The following USP6NL variants were observed in gnomAD, a reference collection of about 807,000 sequenced individuals.
The protein encoded by USP6NL is USP6 N-terminal like.
A neutral mutation model predicts 61.9 loss-of-function variants in USP6NL; 26 were observed. The observed-to-expected ratio is 0.42, with a 90% CI of 0.31 to 0.58. USP6NL has a LOEUF of 0.58. USP6NL is among the 20% of genes least tolerant of loss of function. USP6NL has a pLI of 0.16. For missense variants in USP6NL, 1,114 were observed against 1,034.3 expected, an observed-to-expected ratio of 1.08 and a Z score of -1.06; for synonymous variants, 432 against 390.1, an observed-to-expected ratio of 1.11 and a Z score of -1.27.
chr10:11,601,241 C>G (rs541235887), intron 1 of USP6NL, among the ~76,000 whole-genome samples: 1 of 152,232 alleles, frequency 6.6e-6, no homozygotes, highest in Admixed American at 6.5e-5. Context: ...ATTATATATA[C>G]TGTACACACA....
At chr10:11,464,216 T>A (rs1010247020) in intron 14 of USP6NL, among the ~76,000 whole-genome samples, 1 of 152,186 alleles carries the variant, frequency 6.6e-6, no homozygotes, top group Non-Finnish European at 1.5e-5. Flanking sequence ...TGGATTTTAT[T>A]CCAAGTTAAC....
intron 14 of USP6NL, among the ~76,000 whole-genome samples, chr10:11,480,743 C>A (rs948008582): frequency 2.0e-5 from 3 of 152,216 alleles, no homozygotes; most frequent in African/African-American, 7.2e-5. Flanking sequence ...CAGACACAGC[C>A]AACATGACAC....
rs1180672887 is a variant in USP6NL, at chr10:11,589,477, T to C, written c.4+8154A>G. On this transcript the variant is annotated intron_variant, in intron 2 of 14. Coordinates refer to ENST00000609104, the MANE Select transcript of USP6NL (RefSeq NM_014688.5). The surrounding 1 kb of genome is among the most constrained non-coding windows in gnomAD (Gnocchi z 4.7). ...ATATAAAATTGTTACCAAAGGAAAA[T>C]ACAAAGACCAACTATTATAATTTAC... Among the ~76,000 whole-genome samples the C allele has an allele frequency of 6.6e-6, 1 of 152,048 alleles. No individual in the cohort carries two copies. The highest frequency in any genetic ancestry group is 1.5e-5 in the Non-Finnish European group (1 of 67,978).
At chr10:11,543,406 G>T (rs1836144746) in intron 2 of USP6NL, among the ~76,000 whole-genome samples, 1 of 152,122 alleles carries the variant, frequency 6.6e-6, no homozygotes, top group Non-Finnish European at 1.5e-5. Flanking sequence ...GCCAGGCATG[G>T]TGGCAGGCGC....
intron 3 of USP6NL, among the ~76,000 whole-genome samples, chr10:11,527,045 A>T (rs1294143869): frequency 6.6e-6 from 1 of 152,226 alleles, no homozygotes; most frequent in Non-Finnish European, 1.5e-5. Flanking sequence ...GGCATTTAGG[A>T]TACAAAAGTA....
rs1033642493 is a variant in USP6NL at position 11,513,517 on chromosome 10, A to C, written c.196-3842T>G. Among the ~76,000 whole-genome samples the C allele has an allele frequency of 6.6e-6, 1 of 152,250 alleles. No individual in the cohort carries two copies. The highest frequency in any genetic ancestry group is 1.5e-5 in the Non-Finnish European group (1 of 68,036). The stretch of plus-strand genomic sequence containing the variant: ...TCAAACCTACAGAAAAGTTGAGAGA[A>C]TAGTATGTCACATACTTATAAATGC... On this transcript the variant is annotated intron_variant, in intron 5 of 14. Coordinates refer to ENST00000609104, the MANE Select transcript of USP6NL (RefSeq NM_014688.5). The surrounding 1 kb of genome is among the most constrained non-coding windows in gnomAD (Gnocchi z 4.7).
chr10:11,477,587 A>G (rs1209305868), intron 14 of USP6NL, among the ~76,000 whole-genome samples: 5 of 152,240 alleles, frequency 3.3e-5, no homozygotes. Context: ...ACACAGAGAA[A>G]GAAGGAAGGC....
At chr10:11,539,613 A>G (rs1282065476) in intron 2 of USP6NL, among the ~76,000 whole-genome samples, 3 of 152,254 alleles carry the variant, frequency 2.0e-5, no homozygotes, top group Non-Finnish European at 4.4e-5. Context: ...AATTGCCAAC[A>G]ACAGATATTT....
intron 2 of USP6NL, among the ~76,000 whole-genome samples, chr10:11,586,793 TAAA>T (rs1201019548): frequency 5.2e-4 from 26 of 50,408 alleles, no homozygotes; most frequent in Non-Finnish European, 1.0e-3. Context: ...AGTACTTGCC[TAAA>T]CTAAACTTAA....
At chr10:11,515,668 T>C (rs928306319) in intron 5 of USP6NL, among the ~76,000 whole-genome samples, 1 of 152,222 alleles carries the variant, frequency 6.6e-6, no homozygotes, top group Non-Finnish European at 1.5e-5. Context: ...GGAAGTATTC[T>C]GTGCTGTGTC....
chr10:11,520,720 T>C lies in USP6NL; in HGVS notation c.156-2146A>G, dbSNP rs1835171328. 6.6e-6 allele frequency among the ~76,000 whole-genome samples: 1 copy of C among 152,234 alleles called. No individual in the cohort carries two copies. The highest frequency in any genetic ancestry group is 2.4e-5 in the African/African-American group (1 of 41,454). On this transcript the variant is annotated intron_variant, in intron 4 of 14. Coordinates refer to ENST00000609104, the MANE Select transcript of USP6NL (RefSeq NM_014688.5). The surrounding 1 kb of genome is among the most constrained non-coding windows in gnomAD (Gnocchi z 5.2). ...AAATCTGGCCCACTGTGCATTTTTG[T>C]AACGTTTTAATGGAACGCTGTCACA... is the stretch of plus-strand genomic sequence containing the variant.
At chr10:11,464,119 C>A (rs537670789) in intron 14 of USP6NL, among the ~76,000 whole-genome samples, 1 of 152,172 alleles carries the variant, frequency 6.6e-6, no homozygotes. Context: ...CAGGAGAGTG[C>A]CAGCAAGGAG....
At chr10:11,464,314 G>A (rs775378722) in intron 14 of USP6NL, among the ~76,000 whole-genome samples, 3 of 152,192 alleles carry the variant, frequency 2.0e-5, no homozygotes, top group Admixed American at 1.3e-4. Context: ...CCGGGATTTC[G>A]ATTGTGGTAC....
At position 11,520,527 on chromosome 10, in the gene USP6NL, C is replaced by T. The variant is rs563631144; in HGVS notation, c.156-1953G>A. Among the ~76,000 whole-genome samples the T allele has an allele frequency of 1.8e-4, 27 of 152,296 alleles. No homozygotes were observed. In the South Asian group the frequency reaches 2.7e-3, roughly 15 times the overall value. ...TGGCATGCTGGAAGAGCTCAGTAAA[C>T]GGTGCTGAATGAAGATATGAACAGG... is the stretch of plus-strand genomic sequence containing the variant. On this transcript the variant is annotated intron_variant, in intron 4 of 14. Transcript: ENST00000609104. The surrounding 1 kb of genome is among the most constrained non-coding windows in gnomAD (Gnocchi z 5.2).
chr10:11,541,268 T>C (rs993285393), intron 2 of USP6NL, among the ~76,000 whole-genome samples: 5 of 135,018 alleles, frequency 3.7e-5, no homozygotes, highest in Non-Finnish European at 8.0e-5. Flanking sequence ...TATATATATA[T>C]ATATATATGT....
In USP6NL at chr10:11,470,374, C is replaced by T. The variant is rs1049394822; in HGVS notation, c.1079-6525G>A. ...CAAGGACGCCATGCCAGGATCTGGC[C>T]TCTACTATGATGAAGAGGAAAATCT... On this transcript the variant is annotated intron_variant, in intron 14 of 14. Transcript: ENST00000609104. The surrounding 1 kb of genome is among the most constrained non-coding windows in gnomAD (Gnocchi z 5.4). Among the ~76,000 whole-genome samples, 2 of 152,124 alleles carry T rather than the reference C, an allele frequency of 1.3e-5. No individual in the cohort carries two copies. Among genetic ancestry groups the T allele is most frequent in the African/African-American group, 4.8e-5 (2 of 41,422 alleles).
At position 11,489,021 on chromosome 10, in the gene USP6NL, TC is replaced by T. The variant is rs1833597175; in HGVS notation, c.664+80del. 1 of 1,565,984 alleles carries T rather than the reference TC, an allele frequency of 6.4e-7. No individual in the cohort carries two copies. The highest frequency in any genetic ancestry group is 1.4e-5 in the African/African-American group (1 of 73,894). The stretch of plus-strand genomic sequence containing the variant: ...AGACATTAAATTTGCTGTATGTAAC[TC>T]TTGCAAGCATCTTTGGTTTTGTTTT... On this transcript the variant is annotated intron_variant, in intron 10 of 14. Transcript: ENST00000609104. This position sits in a 1 kb window ranked among gnomAD's most constrained non-coding sequence, Gnocchi z 5.7.
rs1052293690 is a variant in USP6NL at position 11,611,349 on chromosome 10, C to G, written c.-84+94G>C. ...GGCCGGGAATGGCGGCGTCCGGCTC[C>G]CCGGGGCCAACTCCGAGTCCCGGCC... On this transcript the variant is annotated intron_variant, in intron 1 of 14. Transcript: ENST00000609104. The surrounding 1 kb of genome is among the most constrained non-coding windows in gnomAD (Gnocchi z 5.3). 2 of 152,034 alleles carry G rather than the reference C, an allele frequency of 1.3e-5. No individual in the cohort carries two copies. The highest frequency in any genetic ancestry group is 2.4e-5 in the African/African-American group (1 of 41,398). The allele number at this position is 152,034 out of a possible 1,614,324, so 9.4% of individuals were successfully genotyped here.
rs1837515308 is a variant in USP6NL at position 11,575,715 on chromosome 10, C to A, written c.4+21916G>T. ...ATCAATAGCTTTTTCTTGTTTCTCT[C>A]ATTTTTCATCACACATTGCATCAGT... is the stretch of plus-strand genomic sequence containing the variant. On this transcript the variant is annotated intron_variant, in intron 2 of 14. Coordinates refer to ENST00000609104, the MANE Select transcript of USP6NL (RefSeq NM_014688.5). This position sits in a 1 kb window ranked among gnomAD's most constrained non-coding sequence, Gnocchi z 4.2. Among the ~76,000 whole-genome samples, 1 of 152,200 alleles carries A rather than the reference C, an allele frequency of 6.6e-6. No individual in the cohort carries two copies. The highest frequency in any genetic ancestry group is 6.5e-5 in the Admixed American group (1 of 15,280).
Sources: gnomAD v4.1 joint callset for allele counts (sites outside exome capture counted in the v4.1 genomes callset) on GRCh38, gnomAD v4.1.1 for gene constraint, Gnocchi (gnomAD v3.1) non-coding constraint, MANE v1.5 for transcripts, NCBI Gene and HGNC (gene_info 2026-07-23, HGNC 2026-07-21) for gene names.